Variants in TNFRSF11A observed in about 807,000 individuals in gnomAD.
TNFRSF11A encodes TNF receptor superfamily member 11a, also known as tumor necrosis factor receptor superfamily member 11A.
Under a neutral mutation model 55.7 loss-of-function variants are expected in TNFRSF11A, and 32 were observed. The observed-to-expected ratio is 0.57, with a 90% CI of 0.43 to 0.77. The LOEUF is 0.77. TNFRSF11A is among the 30% of genes least tolerant of loss of function. TNFRSF11A has a pLI of 0.00. For missense variants in TNFRSF11A, 753 were observed against 809.8 expected (o/e 0.93, Z 0.85); for synonymous variants, 311 against 331.0 (o/e 0.94, Z 0.65).
chr18:62,339,490 A>G (rs1247621612), intron 1 of TNFRSF11A, among the ~76,000 whole-genome samples: 2 of 152,140 alleles, frequency 1.3e-5, no homozygotes, highest in Non-Finnish European at 2.9e-5. Flanking sequence ...GATCTTTCCA[A>G]TGCATTAGTT....
At chr18:62,358,437 G>C in intron 5 of TNFRSF11A, 96 bp downstream of exon 5, 3 of 1,228,424 alleles carry the variant, frequency 2.4e-6, no homozygotes, top group Non-Finnish European at 3.6e-6. Flanking sequence ...GATTCTGTTG[G>C]GTTAGGCTTC....
chr18:62,382,790 G>T (rs1339367532), intron 9 of TNFRSF11A, among the ~76,000 whole-genome samples: 2 of 143,648 alleles, frequency 1.4e-5, no homozygotes, highest in South Asian at 4.2e-4. Flanking sequence ...GTTTCATTTT[G>T]TTTGTATGTT....
chr18:62,328,884 G>C (rs752763577), intron 1 of TNFRSF11A, among the ~76,000 whole-genome samples: 3 of 152,166 alleles, frequency 2.0e-5, no homozygotes, highest in Non-Finnish European at 2.9e-5. Flanking sequence ...GTGTTGATAA[G>C]GAAATAGCTT....
In TNFRSF11A at chr18:62,387,396, T is replaced by C. The variant is rs887189677; in HGVS notation, c.*2362T>C. On this transcript the variant is annotated 3_prime_UTR_variant, in exon 10 of 10. Transcript: ENST00000586569. Reference sequence around the variant, plus strand: ...GGGGGAACATGATAAAGAGATTATATTAAGCTTATGTTTCACCATAAAATC... The same window carrying C: ...GGGGGAACATGATAAAGAGATTATACTAAGCTTATGTTTCACCATAAAATC... 1.3e-5 allele frequency: 2 copies of C among 152,216 alleles called. No homozygotes were observed. The highest frequency in any genetic ancestry group is 2.9e-5 in the Non-Finnish European group (2 of 68,026). 9.4% of individuals were successfully genotyped at this position (152,216 alleles called of 1,614,324 possible). A position where few individuals can be genotyped will look rare whatever the true frequency, so the allele number is the denominator to read the frequency against.
intron 9 of TNFRSF11A, among the ~76,000 whole-genome samples, chr18:62,382,911 A>G (rs11873734): frequency 0.036 from 5,438 of 152,250 alleles, 262 homozygotes; most frequent in African/African-American, 0.11. Context: ...TGCTTTACCT[A>G]ATATGTAATT....
rs111910048 is a variant in TNFRSF11A at position 62,347,914 on chromosome 18, C to A, written c.76-254C>A. On this transcript the variant is annotated intron_variant, in intron 1 of 9. Coordinates refer to ENST00000586569, the MANE Select transcript of TNFRSF11A (RefSeq NM_003839.4). Reference sequence around the variant, plus strand: ...GCAAGACTCTGTCTAAAAAAAAAAACAAAAAAACAAAAAAAAACCCTGTAA... The same window carrying A: ...GCAAGACTCTGTCTAAAAAAAAAAAAAAAAAAACAAAAAAAAACCCTGTAA... Among the ~76,000 whole-genome samples the A allele has an allele frequency of 1.5e-3, 195 of 131,144 alleles. 1 individual carries two copies. Among genetic ancestry groups the A allele is most frequent in the African/African-American group, 5.0e-3 (178 of 35,332 alleles). 86.0% of individuals were successfully genotyped at this position (131,144 alleles called of 152,430 possible).
chr18:62,363,191 G>C (rs2145336117), intron 7 of TNFRSF11A, among the ~76,000 whole-genome samples: 1 of 151,918 alleles, frequency 6.6e-6, no homozygotes, highest in East Asian at 1.9e-4. Context: ...GCTGTGATTT[G>C]ATCAGTTTTC....
At chr18:62,339,721 G>C (rs377158639) in intron 1 of TNFRSF11A, among the ~76,000 whole-genome samples, 1 of 152,146 alleles carries the variant, frequency 6.6e-6, no homozygotes, top group South Asian at 2.1e-4. Context: ...ACTTCCTCCT[G>C]TTAAACTCTG....
At chr18:62,340,137 A>G (rs145249110) in intron 1 of TNFRSF11A, among the ~76,000 whole-genome samples, 1,823 of 152,038 alleles carry the variant, frequency 0.012, 39 homozygotes, top group African/African-American at 0.042. Context: ...GGCTACAGTG[A>G]GCAGTGATCA....
intron 1 of TNFRSF11A, among the ~76,000 whole-genome samples, chr18:62,328,441 TA>T (rs2046105866): frequency 6.6e-6 from 1 of 151,960 alleles, no homozygotes; most frequent in South Asian, 2.1e-4. Context: ...AACAACCATA[TA>T]TTTTTATGAC....
chr18:62,384,612 G>GT, intron 9 of TNFRSF11A, 139 bp from the exon 10 acceptor site: 1 of 952,188 alleles, frequency 1.1e-6, no homozygotes, highest in Non-Finnish European at 1.6e-6. Context: ...GGCCTGGAGG[G>GT]TTACAGTGTG....
chr18:62,384,859 C>T lies in TNFRSF11A; in HGVS notation c.1676C>T (p.Ala559Val), dbSNP rs755335408. The change falls in exon 10 of 10, where the codon GCG (alanine) becomes GTG (valine). Residue 559 changes from alanine (A) to valine (V), a missense_variant. Coordinates refer to ENST00000586569, the MANE Select transcript of TNFRSF11A (RefSeq NM_003839.4). ...GTCAGCCAGACCTCGCAGGAGGGCG[C>T]GGCGGCGGCTGCGGAGCCCATGGGC... is the stretch of plus-strand genomic sequence containing the variant. ...VYVSQTSQEG[A>V]AAAAEPMGRP... The T allele has an allele frequency of 5.6e-6, 9 of 1,604,610 alleles. No individual in the cohort carries two copies. In the South Asian group the frequency reaches 9.0e-5, roughly 16 times the overall value.
chr18:62,386,541 A>G lies in TNFRSF11A; in HGVS notation c.*1507A>G, dbSNP rs575546404. ...TGGGTGGTTTTATCTTTTGTTACCC[A>G]GTGAGCACTGGTTCCCCGCAAATAC... On this transcript the variant is annotated 3_prime_UTR_variant, in exon 10 of 10. Transcript: ENST00000586569. The G allele has an allele frequency of 6.6e-6, 1 of 152,342 alleles. No individual in the cohort carries two copies. The highest frequency in any genetic ancestry group is 6.5e-5 in the Admixed American group (1 of 15,308). The allele number at this position is 152,342 out of a possible 1,614,324, so 9.4% of individuals were successfully genotyped here. A position where few individuals can be genotyped will look rare whatever the true frequency, so the allele number is the denominator to read the frequency against.
chr18:62,342,419 A>AAAAAAAAAAAAAAAAT (rs1364553778), intron 1 of TNFRSF11A, among the ~76,000 whole-genome samples: 1 of 150,924 alleles, frequency 6.6e-6, no homozygotes, highest in Non-Finnish European at 1.5e-5. Flanking sequence ...AAAAAAAAAA[A>AAAAAAAAAAAAAAAAT]AAAAAATCCT....
chr18:62,366,504 C>T (rs1265514816), intron 7 of TNFRSF11A, among the ~76,000 whole-genome samples: 3 of 152,064 alleles, frequency 2.0e-5, no homozygotes, highest in Non-Finnish European at 4.4e-5. Flanking sequence ...TAGATTTTAG[C>T]GGATCTTGCC....
At chr18:62,343,324 G>A (rs558199857) in intron 1 of TNFRSF11A, among the ~76,000 whole-genome samples, 9 of 152,270 alleles carry the variant, frequency 5.9e-5, no homozygotes, top group African/African-American at 1.9e-4. Context: ...TTTCTACATC[G>A]TTCGATGTCA....
At chr18:62,372,240 G>A (rs185188661) in intron 9 of TNFRSF11A, among the ~76,000 whole-genome samples, 1 of 152,326 alleles carries the variant, frequency 6.6e-6, no homozygotes, top group African/African-American at 2.4e-5. Context: ...AAATAACCAT[G>A]CCTTAATTTA....
Position 62,385,259 on chromosome 18 carries a change from G to A in TNFRSF11A, c.*225G>A. On this transcript the variant is annotated 3_prime_UTR_variant, in exon 10 of 10. Coordinates refer to ENST00000586569, the MANE Select transcript of TNFRSF11A (RefSeq NM_003839.4). ...ATGCTCAGCAGCCCGCCGCACTGGG[G>A]CAGATGTCTCCCCTGCCACTCCTCA... The A allele has an allele frequency of 4.4e-6, 2 of 451,572 alleles. No individual in the cohort carries two copies. The highest frequency in any genetic ancestry group is 7.5e-6 in the Non-Finnish European group (2 of 265,204). The allele number at this position is 451,572 out of a possible 1,614,324, so 28.0% of individuals were successfully genotyped here. A position where few individuals can be genotyped will look rare whatever the true frequency, so the allele number is the denominator to read the frequency against.
At chr18:62,361,470 C>T (rs907732378) in intron 6 of TNFRSF11A, among the ~76,000 whole-genome samples, 5 of 152,082 alleles carry the variant, frequency 3.3e-5, no homozygotes, top group Non-Finnish European at 7.4e-5. Context: ...AGAGTGAAAC[C>T]GGACTGAGCA....
Sources: allele counts gnomAD v4.1 joint callset (sites outside exome capture counted in the v4.1 genomes callset), GRCh38; gene constraint gnomAD v4.1.1; transcripts MANE v1.5; gene names NCBI Gene and HGNC (gene_info 2026-07-23, HGNC 2026-07-21).